The following XPA variants were observed in gnomAD, a reference collection of about 807,000 sequenced individuals.
The protein encoded by XPA is DNA repair protein complementing XP-A cells.
In XPA, 27 loss-of-function variants were observed where a neutral mutation model predicts 35.7. The observed-to-expected ratio is 0.76, with a 90% confidence interval of 0.56 to 1.04. The LOEUF is 1.04. Among genes scored for constraint, XPA ranks in the 50% least tolerant of loss-of-function variants. The pLI, the probability that XPA is intolerant of heterozygous loss-of-function variation, is 0.00. For missense variants in XPA, 354 were observed against 342.7 expected, an observed-to-expected ratio of 1.03 and a Z score of -0.26; for synonymous variants, 133 against 118.4, an observed-to-expected ratio of 1.12 and a Z score of -0.80.
At chr9:97,679,624 G>A (rs774532024) in intron 5 of XPA, among the ~76,000 whole-genome samples, 1 of 152,096 alleles carries the variant, frequency 6.6e-6, no homozygotes, top group East Asian at 1.9e-4. Flanking sequence ...GAAAGTGAAA[G>A]AAATAGAAAA....
At chr9:97,687,471 A>G (rs1237389529) in intron 3 of XPA, among the ~76,000 whole-genome samples, 1 of 152,226 alleles carries the variant, frequency 6.6e-6, no homozygotes, top group East Asian at 1.9e-4. Flanking sequence ...ATCTAGAGAA[A>G]AAAACATTCC....
intron 5 of XPA, among the ~76,000 whole-genome samples, chr9:97,684,246 T>TGATG (rs141601649): frequency 0.014 from 2,190 of 152,252 alleles, 100 homozygotes; most frequent in East Asian, 0.13. Flanking sequence ...CTGGATGTAT[T>TGATG]GATGGATGGA....
chr9:97,691,913 A>G (rs961679012), intron 2 of XPA, among the ~76,000 whole-genome samples: 6 of 141,590 alleles, frequency 4.2e-5, no homozygotes, highest in South Asian at 2.2e-4. Context: ...ATATATATAT[A>G]TATGTAAATA....
At chr9:97,662,608 C>T in the XPA span, among the ~76,000 whole-genome samples, 2 of 152,204 alleles carry the variant, frequency 1.3e-5, no homozygotes, top group African/African-American at 4.8e-5. Flanking sequence ...GGACATCTCA[C>T]CCCATCTCTG....
Position 97,675,143 on chromosome 9 carries a change from T to A in XPA, c.*296A>T, listed in dbSNP as rs1185950880. The A allele has an allele frequency of 1.8e-6, 1 of 566,422 alleles. No individual in the cohort carries two copies. Among genetic ancestry groups the A allele is most frequent in the Non-Finnish European group, 3.3e-6 (1 of 299,000 alleles). The allele number at this position is 566,422 out of a possible 1,614,324, so 35.1% of individuals were successfully genotyped here. A position where few individuals can be genotyped will look rare whatever the true frequency, so the allele number is the denominator to read the frequency against. ...ATCTAGGGTTTGCCTTGGTATCTTG[T>A]CCTCAAATTTGTAGCTGACCTACCA... On this transcript the variant is annotated 3_prime_UTR_variant, in exon 6 of 6. Transcript: ENST00000375128.
chr9:97,674,845 T>TA, downstream of XPA: 1 of 401,316 alleles, frequency 2.5e-6, no homozygotes, highest in Non-Finnish European at 4.8e-6. Context: ...ATCCAGCATT[T>TA]AAAAAGCTAT....
At chr9:97,670,975 C>T, downstream of XPA, 16 of 594,304 alleles carry the variant, frequency 2.7e-5, no homozygotes, top group Non-Finnish European at 4.3e-5. Flanking sequence ...TTTTTTTTCC[C>T]CTTCCTCTTT....
intron 5 of XPA, among the ~76,000 whole-genome samples, chr9:97,677,016 G>C (rs1170912668): frequency 1.3e-5 from 2 of 152,056 alleles, no homozygotes; most frequent in Admixed American, 6.6e-5. Context: ...GATGCCCTCT[G>C]GTTTCAGATA....
At chr9:97,657,926 ATT>A in the XPA span, among the ~76,000 whole-genome samples, 6,179 of 90,678 alleles carry the variant, frequency 0.068, 198 homozygotes, top group Middle Eastern at 0.079. Context: ...ATATATATAT[ATT>A]TTTTTTTTTT....
chr9:97,674,580 A>G (rs1408629796), downstream of XPA, among the ~76,000 whole-genome samples: 1 of 152,234 alleles, frequency 6.6e-6, no homozygotes, highest in Non-Finnish European at 1.5e-5. Context: ...TTGACAAGCT[A>G]CAGGAAAATT....
At chr9:97,694,486 T>G (rs748413930) in intron 1 of XPA, among the ~76,000 whole-genome samples, 1 of 152,198 alleles carries the variant, frequency 6.6e-6, no homozygotes, top group Admixed American at 6.5e-5. Context: ...AATGAGGATA[T>G]CCAAACGGCC....
intron 5 of XPA, among the ~76,000 whole-genome samples, chr9:97,680,770 A>G (rs2131387012): frequency 6.6e-6 from 1 of 152,336 alleles, no homozygotes; most frequent in Non-Finnish European, 1.5e-5. Context: ...GGTAGTTTTA[A>G]AAACAAGGTA....
At chr9:97,682,290 A>G (rs767511051) in intron 5 of XPA, 2 of 518,674 alleles carry the variant, frequency 3.9e-6, no homozygotes, top group Non-Finnish European at 7.7e-6. Context: ...TTTCAACTAA[A>G]ATACTTTTAG....
chr9:97,693,630 T>G lies in XPA; in HGVS notation c.283+19A>C, dbSNP rs1828956556. The G allele has an allele frequency of 6.2e-7, 1 of 1,608,776 alleles. No homozygotes were observed. ...AAAATAACCAATCTAGATACTTATTTTTGAAAAACTCACTTTACCTGGTTG... is the reference window on the plus strand; with the variant it reads ...AAAATAACCAATCTAGATACTTATTGTTGAAAAACTCACTTTACCTGGTTG... On this transcript the variant is annotated intron_variant, in intron 2 of 5. Coordinates refer to ENST00000375128, the MANE Select transcript of XPA (RefSeq NM_000380.4).
Position 97,675,490 on chromosome 9 carries a change from G to A in XPA, c.771C>T (p.Tyr257=), listed in dbSNP as rs889891145. 2 of 1,613,668 alleles carry A rather than the reference G, an allele frequency of 1.2e-6. No individual in the cohort carries two copies. The highest frequency in any genetic ancestry group is 1.3e-5 in the African/African-American group (1 of 74,812). ...GGCCACACATAGTACAAGTCTTACG[G>A]TACATGTCATCTTCTAGGTTTTCTT... ...GPEENLEDDM[Y]RKTCTMCGHE... The change falls in exon 6 of 6, where the codon TAC becomes TAT. Residue 257 remains tyrosine (Y), a synonymous_variant. Transcript: ENST00000375128.
chr9:97,689,362 T>C (rs980199903), intron 3 of XPA, among the ~76,000 whole-genome samples, 172 bp downstream of exon 3: 1 of 152,174 alleles, frequency 6.6e-6, no homozygotes, highest in Non-Finnish European at 1.5e-5. Flanking sequence ...TAAGCTTTAA[T>C]AAGCACAGAT....
rs1428158336 is a variant in XPA, at chr9:97,689,644, GA to G, written c.284-6del. On this transcript the variant is annotated splice_region_variant and splice_polypyrimidine_tract_variant and intron_variant, in intron 2 of 5. Coordinates refer to ENST00000375128, the MANE Select transcript of XPA (RefSeq NM_000380.4). ...AATCAAATTCCATAACAGGTCCTAA[GA>G]AAAGGAAAATGAACTCTAGTTTCCT... 22 of 1,564,578 alleles carry G rather than the reference GA, an allele frequency of 1.4e-5. No individual in the cohort carries two copies. Among genetic ancestry groups the G allele is most frequent in the Non-Finnish European group, 1.9e-5 (22 of 1,136,432 alleles).
In XPA at chr9:97,683,210, T is replaced by C. The variant is rs1171927372; in HGVS notation, c.673+1713A>G. Among the ~76,000 whole-genome samples, 4 of 152,180 alleles carry C rather than the reference T, an allele frequency of 2.6e-5. No homozygotes were observed. In the East Asian group the frequency reaches 7.7e-4, roughly 29 times the overall value. On this transcript the variant is annotated intron_variant, in intron 5 of 5. Coordinates refer to ENST00000375128, the MANE Select transcript of XPA (RefSeq NM_000380.4). ...GAGTTAACAAAAAACCCTAGGCTAGTATATAACTAATCTATCACTCTGTCC... is the reference window on the plus strand; with the variant it reads ...GAGTTAACAAAAAACCCTAGGCTAGCATATAACTAATCTATCACTCTGTCC...
intron 4 of XPA, 85 bp downstream of exon 4, chr9:97,687,011 G>T: frequency 7.0e-7 from 1 of 1,421,776 alleles, no homozygotes; most frequent in Non-Finnish European, 9.6e-7. Context: ...TCCACACTCT[G>T]TAAGCAAAAG....
Sources: allele counts gnomAD v4.1 joint callset (sites outside exome capture counted in the v4.1 genomes callset), GRCh38; gene constraint gnomAD v4.1.1; transcripts MANE v1.5; gene names NCBI Gene and HGNC (gene_info 2026-07-23, HGNC 2026-07-21).